DNAAF1: variants seen among roughly 807,000 people sequenced by gnomAD.
The protein encoded by DNAAF1 is dynein assembly factor 1, axonemal.
Under a neutral mutation model 71.1 loss-of-function variants are expected in DNAAF1, and 65 were observed. That is an observed-to-expected ratio of 0.91 (90% CI 0.75 to 1.12). DNAAF1 has a LOEUF of 1.12. Ranked by LOEUF, DNAAF1 falls within the 50% of genes most tolerant of loss-of-function variation. The pLI is 0.00. For synonymous variants in DNAAF1, 414 were observed against 354.6 expected (o/e 1.17, Z -1.88); for missense variants, 1,178 against 899.8 (o/e 1.31, Z -3.96).
chr16:84,145,769 CCAAA>C (rs1158061676), intron 1 of DNAAF1, among the ~76,000 whole-genome samples: 1 of 152,198 alleles, frequency 6.6e-6, no homozygotes, highest in African/African-American at 2.4e-5. Flanking sequence ...AAAACTTGCA[CCAAA>C]CAGATAACCC....
intron 3 of DNAAF1, among the ~76,000 whole-genome samples, chr16:84,153,799 A>G (rs1247082866): frequency 6.6e-6 from 1 of 152,176 alleles, no homozygotes; most frequent in African/African-American, 2.4e-5. Context: ...CAAGGCCCAC[A>G]GTTTGCACTA....
rs549309431 is a variant in DNAAF1 at position 84,168,525 on chromosome 16, G to A, written c.1031-1334G>A. Among the ~76,000 whole-genome samples the A allele has an allele frequency of 6.6e-5, 10 of 152,114 alleles. No individual in the cohort carries two copies. In the South Asian group the frequency reaches 1.7e-3, roughly 25 times the overall value. On this transcript the variant is annotated intron_variant, in intron 7 of 11. Coordinates refer to ENST00000378553, the MANE Select transcript of DNAAF1 (RefSeq NM_178452.6). ...ACTCCTGGCCTCAAGCAGTCCTCCC[G>A]CCTCGGCCTCCCAAAGTGCTGGGAT...
At chr16:84,147,765 A>AT (rs1567532407) in intron 1 of DNAAF1, among the ~76,000 whole-genome samples, 3 of 152,128 alleles carry the variant, frequency 2.0e-5, no homozygotes, top group African/African-American at 7.2e-5. Context: ...CCCCCCAAAA[A>AT]AAAAATAAAA....
chr16:84,177,161 C>T lies in DNAAF1; in HGVS notation c.2066-568C>T, dbSNP rs565699473. The stretch of plus-strand genomic sequence containing the variant: ...CAGGGAGTGGCCTGAGTGCATTTCC[C>T]GGGAACACTGAGTGGCCTTCTCTTC... On this transcript the variant is annotated intron_variant, in intron 11 of 11. Transcript: ENST00000378553. 5 of 183,796 alleles carry T rather than the reference C, an allele frequency of 2.7e-5. No homozygotes were observed. In the South Asian group the frequency reaches 3.3e-4, roughly 12 times the overall value. 11.4% of individuals were successfully genotyped at this position (183,796 alleles called of 1,614,324 possible).
At chr16:84,171,682 C>G (rs1597480172) in intron 8 of DNAAF1, among the ~76,000 whole-genome samples, 1 of 152,114 alleles carries the variant, frequency 6.6e-6, no homozygotes. Flanking sequence ...CCTTGTCACC[C>G]TGCAGTCGGC....
chr16:84,160,322 C>T (rs2087639986), intron 6 of DNAAF1, among the ~76,000 whole-genome samples: 1 of 152,130 alleles, frequency 6.6e-6, no homozygotes, highest in Non-Finnish European at 1.5e-5. Context: ...CTGTCAGTGA[C>T]TTTTTCCAAG....
At position 84,150,084 on chromosome 16, in the gene DNAAF1, G is replaced by GAAGAAAAAGGAAAGGAGAA. The variant is rs368101404; in HGVS notation, c.261-165_261-147dup. ...GCCCTAAAATCTGTACAAAAAAGAA[G>GAAGAAAAAGGAAAGGAGAA]AAGAAAAAGGAAAGGAGAAAGAGAA... On this transcript the variant is annotated intron_variant, in intron 2 of 11. Transcript: ENST00000378553. 7.0e-3 allele frequency among the ~76,000 whole-genome samples: 1,063 copies of GAAGAAAAAGGAAAGGAGAA among 151,916 alleles called. 13 individuals are homozygous for GAAGAAAAAGGAAAGGAGAA. Among genetic ancestry groups the GAAGAAAAAGGAAAGGAGAA allele is most frequent in the African/African-American group, 0.024 (1,008 of 41,378 alleles).
At chr16:84,149,811 C>T (rs149893157) in intron 2 of DNAAF1, among the ~76,000 whole-genome samples, 20 of 151,378 alleles carry the variant, frequency 1.3e-4, no homozygotes, top group East Asian at 1.9e-4. Flanking sequence ...GATCACCTGA[C>T]GTCAGGAGTT....
At chr16:84,177,595 C>T (rs2088793536) in intron 11 of DNAAF1, 134 bp from the exon 12 acceptor site, 3 of 767,862 alleles carry the variant, frequency 3.9e-6, no homozygotes, top group Non-Finnish European at 7.0e-6. Flanking sequence ...TCCCAAAGTG[C>T]TGGGATTACA....
intron 8 of DNAAF1, among the ~76,000 whole-genome samples, chr16:84,171,636 C>T (rs1241818260): frequency 1.3e-5 from 2 of 152,122 alleles, no homozygotes; most frequent in African/African-American, 4.8e-5. Flanking sequence ...TGAAGCCTGC[C>T]CCTCCGTCTC....
chr16:84,169,077 C>CT lies in DNAAF1; in HGVS notation c.1031-754dup, dbSNP rs567267370. On this transcript the variant is annotated intron_variant, in intron 7 of 11. Coordinates refer to ENST00000378553, the MANE Select transcript of DNAAF1 (RefSeq NM_178452.6). ...CACTAATGAACATCCCTCAAGGATA[C>CT]TTTTTTTTTTTTTTTTTTTTTTTTT... 1.0e-2 allele frequency among the ~76,000 whole-genome samples: 710 copies of CT among 71,210 alleles called. 69 individuals are homozygous for CT. Among genetic ancestry groups the CT allele is most frequent in the African/African-American group, 0.012 (213 of 17,218 alleles). The allele number at this position is 71,210 out of a possible 152,430, so 46.7% of individuals were successfully genotyped here.
chr16:84,149,181 G>T (rs2087065367), intron 2 of DNAAF1, 39 bp downstream of exon 2: 1 of 1,613,064 alleles, frequency 6.2e-7, no homozygotes, highest in East Asian at 2.2e-5. Context: ...CATTTATGGA[G>T]TAAGGTAGAT....
rs1177860320 is a variant in DNAAF1, at chr16:84,148,889, C to T, written c.125-118C>T. On this transcript the variant is annotated intron_variant, in intron 1 of 11. Transcript: ENST00000378553. Reference sequence around the variant, plus strand: ...ACAGGCCTGAGCCACCATACCCAGCCACTAAAGAATACTGGTGTTCTATAC... The same window carrying T: ...ACAGGCCTGAGCCACCATACCCAGCTACTAAAGAATACTGGTGTTCTATAC... 8.4e-6 allele frequency: 10 copies of T among 1,188,778 alleles called. No homozygotes were observed. The South Asian group carries it at 1.2e-4, about 15-fold the overall frequency. 73.6% of individuals were successfully genotyped at this position (1,188,778 alleles called of 1,614,324 possible). A position where few individuals can be genotyped will look rare whatever the true frequency, so the allele number is the denominator to read the frequency against.
At position 84,177,758 on chromosome 16, in the gene DNAAF1, G is replaced by A. The variant is rs1428022614; in HGVS notation, c.2095G>A (p.Glu699Lys). 9.9e-6 allele frequency: 16 copies of A among 1,613,880 alleles called. No homozygotes were observed. Among genetic ancestry groups the A allele is most frequent in the Non-Finnish European group, 1.4e-5 (16 of 1,179,974 alleles). Residue 699 changes from glutamate (E) to lysine (K), a missense_variant, in exon 12 of 12, where the codon GAG (glutamate) becomes AAG (lysine). Glu to Lys is a moderately conservative substitution (Grantham distance 56). Transcript: ENST00000378553. ...GACTGAGAGCGCCGCCACACCCCCA[G>A]AGACGTGTGTCGGAGTTGCCCAGCC... Reference protein sequence around the residue: ...VPTESAATPPETCVGVAQPSQ... With the variant: ...VPTESAATPPKTCVGVAQPSQ...
At chr16:84,168,081 A>C (rs546474987) in intron 7 of DNAAF1, among the ~76,000 whole-genome samples, 37 of 151,986 alleles carry the variant, frequency 2.4e-4, no homozygotes, top group Admixed American at 3.9e-4. Context: ...AGAAGCCCAA[A>C]ATGGGTTTCA....
chr16:84,148,078 G>T (rs1025771235), intron 1 of DNAAF1, among the ~76,000 whole-genome samples: 1 of 151,580 alleles, frequency 6.6e-6, no homozygotes, highest in African/African-American at 2.4e-5. Context: ...AAAAAAAAAA[G>T]AAATAAAACA....
At chr16:84,152,459 A>G (rs927145754) in intron 3 of DNAAF1, among the ~76,000 whole-genome samples, 1 of 151,650 alleles carries the variant, frequency 6.6e-6, no homozygotes, top group African/African-American at 2.4e-5. Flanking sequence ...TCTGGCCAAC[A>G]TGGTGAAACC....
At chr16:84,161,050 G>T (rs1439207119) in intron 6 of DNAAF1, among the ~76,000 whole-genome samples, 2 of 152,268 alleles carry the variant, frequency 1.3e-5, no homozygotes, top group East Asian at 3.9e-4. Flanking sequence ...AGAGCAGCCA[G>T]TGTGCAGGGG....
At chr16:84,154,947 C>T (rs370616398) in intron 4 of DNAAF1, 149 bp downstream of exon 4, 19 of 749,094 alleles carry the variant, frequency 2.5e-5, no homozygotes, top group African/African-American at 7.1e-5. Context: ...CTTGCTCTGT[C>T]GCCCAGGCTG....
Sources: gnomAD v4.1 joint callset for allele counts (sites outside exome capture counted in the v4.1 genomes callset) on GRCh38, gnomAD v4.1.1 for gene constraint, MANE v1.5 for transcripts, NCBI Gene and HGNC (gene_info 2026-07-23, HGNC 2026-07-21) for gene names.